CSNK1G2: variants seen among roughly 807,000 people sequenced by gnomAD.
CSNK1G2 encodes casein kinase I isoform gamma-2.
CSNK1G2 carries 11 observed loss-of-function variants against 48.0 expected under a neutral mutation model. The ratio of observed to expected loss-of-function variants is 0.23; its 90% CI spans 0.14 to 0.38. The LOEUF is 0.38. Ranked by LOEUF, CSNK1G2 falls within the 10% of genes least tolerant of loss-of-function variation. CSNK1G2 has a pLI of 1.00. For synonymous variants in CSNK1G2, 337 were observed against 254.1 expected, an observed-to-expected ratio of 1.33 and a Z score of -3.10; for missense variants, 446 against 595.5, an observed-to-expected ratio of 0.75 and a Z score of 2.61.
intron 2 of CSNK1G2, chr19:1,976,124 T>G (rs1198912250): frequency 2.3e-6 from 3 of 1,288,514 alleles, no homozygotes; most frequent in Admixed American, 4.6e-5. Flanking sequence ...GGTTTAGTTC[T>G]GGGGCCTCGG....
chr19:1,963,180 A>G (rs1356179710), intron 1 of CSNK1G2, among the ~76,000 whole-genome samples: 1 of 151,860 alleles, frequency 6.6e-6, no homozygotes, highest in Non-Finnish European at 1.5e-5. Flanking sequence ...TTTATTATAA[A>G]TTTTTCATGA....
intron 2 of CSNK1G2, chr19:1,975,017 C>G (rs911467049): frequency 1.0e-6 from 1 of 969,126 alleles, no homozygotes; most frequent in Non-Finnish European, 1.2e-6. Flanking sequence ...CCACAGGCCT[C>G]AGATGCTGCC....
At chr19:1,948,821 C>T (rs748319476) in intron 1 of CSNK1G2, among the ~76,000 whole-genome samples, 23 of 152,200 alleles carry the variant, frequency 1.5e-4, no homozygotes, top group Non-Finnish European at 2.9e-4. Flanking sequence ...CCAGAGGCCT[C>T]GGGAGGACAC....
chr19:1,955,133 C>A (rs1395694417), intron 1 of CSNK1G2, among the ~76,000 whole-genome samples: 2 of 152,154 alleles, frequency 1.3e-5, no homozygotes, highest in African/African-American at 4.8e-5. Flanking sequence ...GGTGCTGGGC[C>A]CTGACCGAGT....
intron 1 of CSNK1G2, among the ~76,000 whole-genome samples, chr19:1,945,474 C>A (rs1379278400): frequency 6.6e-6 from 1 of 152,218 alleles, no homozygotes; most frequent in Non-Finnish European, 1.5e-5. Flanking sequence ...GGTGGCCCAG[C>A]GGCCTCCCTG....
chr19:1,977,716 A>G (rs1040886984), intron 2 of CSNK1G2, among the ~76,000 whole-genome samples: 1 of 147,800 alleles, frequency 6.8e-6, no homozygotes, highest in African/African-American at 2.5e-5. Flanking sequence ...TCTCGCCACT[A>G]CACTCCAGAC....
At chr19:1,968,077 GCTCCTCCCTCCTCC>G (rs748863749) in intron 1 of CSNK1G2, among the ~76,000 whole-genome samples, 9 of 43,640 alleles carry the variant, frequency 2.1e-4, no homozygotes, top group African/African-American at 3.8e-4. Context: ...TGCAGGTGGG[GCTCCTCCCTCCTCC>G]CTCCTCCCCA....
intron 1 of CSNK1G2, among the ~76,000 whole-genome samples, chr19:1,962,212 G>T (rs533938394): frequency 6.6e-6 from 1 of 152,204 alleles, no homozygotes; most frequent in South Asian, 2.1e-4. Context: ...GTGCCTTGTA[G>T]TCCCAGCTAC....
At chr19:1,963,463 C>G (rs1043337280) in intron 1 of CSNK1G2, among the ~76,000 whole-genome samples, 1 of 151,964 alleles carries the variant, frequency 6.6e-6, no homozygotes, top group Admixed American at 6.6e-5. Flanking sequence ...CCCCCTGCCT[C>G]GGCCTCCCAA....
chr19:1,979,174 C>G lies in CSNK1G2; in HGVS notation c.694C>G (p.Arg232Gly). ...NTHLGKEQSRRDDLEALGHMF... is the reference protein window; with the variant it reads ...NTHLGKEQSRGDDLEALGHMF... ...CCCTGTCCCCGCAGAGCAGAGCCGC[C>G]GCGACGACCTGGAGGCGCTGGGCCA... The change falls in exon 7 of 12, where the codon CGC (arginine) becomes GGC (glycine). Residue 232 changes from arginine (R) to glycine (G), a missense_variant. Arg to Gly is a moderately radical substitution (Grantham distance 125, BLOSUM62 -2). This residue lies in a region of CSNK1G2 where 258 missense variants were observed against 415.9 expected (regional missense o/e 0.62). Coordinates refer to ENST00000255641, the MANE Select transcript of CSNK1G2 (RefSeq NM_001319.7). 6.5e-7 allele frequency: 1 copy of G among 1,529,170 alleles called. No individual in the cohort carries two copies. The highest frequency in any genetic ancestry group is 8.8e-7 in the Non-Finnish European group (1 of 1,136,156). The allele number at this position is 1,529,170 out of a possible 1,614,324, so 94.7% of individuals were successfully genotyped here. A position where few individuals can be genotyped will look rare whatever the true frequency, so the allele number is the denominator to read the frequency against.
intron 2 of CSNK1G2, chr19:1,975,908 G>A (rs1026355743): frequency 5.2e-6 from 3 of 580,054 alleles, no homozygotes; most frequent in Non-Finnish European, 6.5e-6. Context: ...GATGGTGCCT[G>A]CCTGTAATTC....
intron 1 of CSNK1G2, among the ~76,000 whole-genome samples, chr19:1,964,310 A>C (rs545841892): frequency 6.6e-6 from 1 of 151,304 alleles, no homozygotes; most frequent in African/African-American, 2.4e-5. Context: ...AAACAAAAAA[A>C]AACCAGGTTC....
chr19:1,953,848 C>T (rs141651876), intron 1 of CSNK1G2: 4 of 532,588 alleles, frequency 7.5e-6, no homozygotes, highest in African/African-American at 1.9e-5. Context: ...TTTACCTGGA[C>T]TCTTGCCTTT....
At chr19:1,976,717 A>G (rs2015768220) in intron 2 of CSNK1G2, among the ~76,000 whole-genome samples, 1 of 150,752 alleles carries the variant, frequency 6.6e-6, no homozygotes, top group African/African-American at 2.5e-5. Context: ...GGGCGGAACA[A>G]AGTGGAGGCC....
At chr19:1,946,288 T>TA (rs1215221549) in intron 1 of CSNK1G2, among the ~76,000 whole-genome samples, 6 of 140,398 alleles carry the variant, frequency 4.3e-5, no homozygotes, top group Non-Finnish European at 1.0e-4. Context: ...ATTTATTTAT[T>TA]TTTTATTTAT....
chr19:1,974,489 G>C (rs1370537475), intron 2 of CSNK1G2, among the ~76,000 whole-genome samples: 1 of 152,138 alleles, frequency 6.6e-6, no homozygotes, highest in South Asian at 2.1e-4. Flanking sequence ...TGACCCTTGG[G>C]GGGTGCATCA....
At position 1,979,662 on chromosome 19, in the gene CSNK1G2, G is replaced by T; in HGVS notation, c.1002+19G>T. 1.1e-5 allele frequency: 18 copies of T among 1,601,740 alleles called. No individual in the cohort carries two copies. The highest frequency in any genetic ancestry group is 1.5e-5 in the Non-Finnish European group (18 of 1,179,700). On this transcript the variant is annotated intron_variant, in intron 9 of 11. Transcript: ENST00000255641. ...GCCCCTGGTAGGTGGGGGGGTGCCG[G>T]TATGTGGGAGCGGGGGACCGGGAAA...
intron 1 of CSNK1G2, chr19:1,953,964 G>A (rs1297530638): frequency 1.9e-6 from 1 of 533,658 alleles, no homozygotes; most frequent in Non-Finnish European, 3.8e-6. Context: ...GCCATGGACG[G>A]GGCCTTCTCG....
intron 7 of CSNK1G2, 22 bp from the exon 8 acceptor site, chr19:1,979,297 G>A (rs1444324522): frequency 4.4e-6 from 7 of 1,587,684 alleles, no homozygotes; most frequent in Middle Eastern, 1.7e-4. Flanking sequence ...GCGGGAGCAA[G>A]GCTGACCACA....
Sources: allele counts gnomAD v4.1 joint callset (sites outside exome capture counted in the v4.1 genomes callset), GRCh38; gene constraint gnomAD v4.1.1; regional missense constraint gnomAD v4.1.1; transcripts MANE v1.5; gene names NCBI Gene and HGNC (gene_info 2026-07-23, HGNC 2026-07-21).